MTCL1: variants seen among roughly 807,000 people sequenced by gnomAD.
The protein encoded by MTCL1 is microtubule crosslinking factor 1, also known as microtubule cross-linking factor 1.
MTCL1 carries 79 observed loss-of-function variants against 141.4 expected under a neutral mutation model. That is an observed-to-expected ratio of 0.56 (90% confidence interval 0.47 to 0.67). MTCL1 has a LOEUF of 0.67. MTCL1 is among the 30% of genes least tolerant of loss of function. MTCL1 has a pLI of 0.00. For missense variants in MTCL1, 2,177 were observed against 2,113.9 expected (o/e 1.03, Z -0.59); for synonymous variants, 914 against 875.8 (o/e 1.04, Z -0.77).
chr18:8,794,031 A>C (rs555990072), intron 8 of MTCL1, among the ~76,000 whole-genome samples: 1 of 152,356 alleles, frequency 6.6e-6, no homozygotes, highest in Non-Finnish European at 1.5e-5. Context: ...CCGAATGCCA[A>C]GATGTAAATA....
In MTCL1 at chr18:8,775,299, G is replaced by A. The variant is rs144520302; in HGVS notation, c.358-2534G>A. On this transcript the variant is annotated intron_variant, in intron 4 of 16. Coordinates refer to ENST00000359865, the Ensembl canonical transcript of MTCL1. The stretch of plus-strand genomic sequence containing the variant: ...ATAAAAGAAACTTCTGGCCGGGCAC[G>A]GTGGCTCAATCCTGTAATCCCAGCA... Among the ~76,000 whole-genome samples, 43 of 152,022 alleles carry A rather than the reference G, an allele frequency of 2.8e-4. 1 individual carries two copies. The East Asian group carries it at 7.4e-3, about 26-fold the overall frequency.
chr18:8,829,032 C>T (rs2077114588), intron 16 of MTCL1: 1 of 1,612,496 alleles, frequency 6.2e-7, no homozygotes, highest in Non-Finnish European at 8.5e-7. Flanking sequence ...CAGTTGGCAC[C>T]TGACGCTCAT....
rs1034500254 is a variant in MTCL1 at position 8,777,912 on chromosome 18, C to G, written c.417+20C>G. 1 of 1,607,430 alleles carries G rather than the reference C, an allele frequency of 6.2e-7. No homozygotes were observed. Among genetic ancestry groups the G allele is most frequent in the African/African-American group, 1.3e-5 (1 of 74,888 alleles). ...AACCAGGTAAGCAGAGGTTTTCATT[C>G]TAATGTTACATCTCCTATAAGTGAA... On this transcript the variant is annotated intron_variant, in intron 5 of 16. Coordinates refer to ENST00000359865, the Ensembl canonical transcript of MTCL1.
Position 8,806,972 on chromosome 18 carries a change from G to A in MTCL1, c.2516G>A (p.Arg839His), listed in dbSNP as rs777907534. 39 of 1,613,700 alleles carry A rather than the reference G, an allele frequency of 2.4e-5. No homozygotes were observed. Among genetic ancestry groups the A allele is most frequent in the Admixed American group, 1.3e-4 (8 of 60,008 alleles). The change falls in exon 11 of 17, where the codon CGT becomes CAT. Residue 839 changes from arginine (R) to histidine (H), a missense_variant. Transcript: ENST00000359865. ...CGTGCGGAGCTGCGGGAGGATGAGC[G>A]TGCCCGACTACGGCTGCAGCAGCAA...
In MTCL1 at chr18:8,830,728, CA is replaced by C; in HGVS notation, c.*19-877del. 1 of 985,476 alleles carries C rather than the reference CA, an allele frequency of 1.0e-6. No homozygotes were observed. Among genetic ancestry groups the C allele is most frequent in the South Asian group, 4.7e-5 (1 of 21,290 alleles). 61.0% of individuals were successfully genotyped at this position (985,476 alleles called of 1,614,324 possible). ...TCCAGCCAGCGGGCTCCATGCTGGGCAACTCAGTTTTCTCATGCCACAGCTT... is the reference window on the plus strand; with the variant it reads ...TCCAGCCAGCGGGCTCCATGCTGGGCACTCAGTTTTCTCATGCCACAGCTT... On this transcript the variant is annotated intron_variant, in intron 16 of 16. Transcript: ENST00000359865. This position sits in a 1 kb window ranked among gnomAD's most constrained non-coding sequence, Gnocchi z 6.4.
Position 8,793,091 on chromosome 18 carries a change from A to T in MTCL1, c.1981A>T (p.Thr661Ser), listed in dbSNP as rs546611939. ...GGCGGCCAGACTGCATCAAGAGGAG[A>T]CAGAGACATTTACAAACAAGATCCA... is the stretch of plus-strand genomic sequence containing the variant. The change falls in exon 8 of 17, where the codon ACA becomes TCA. Residue 661 changes from threonine to serine, a missense_variant. Transcript: ENST00000359865. 3.4e-5 allele frequency: 55 copies of T among 1,614,096 alleles called. 1 individual carries two copies. The South Asian group carries it at 6.0e-4, about 18-fold the overall frequency.
At chr18:8,776,208 TTTC>T in intron 4 of MTCL1, among the ~76,000 whole-genome samples, 1 of 152,206 alleles carries the variant, frequency 6.6e-6, no homozygotes, top group African/African-American at 2.4e-5. Context: ...GGACAGTCTC[TTTC>T]CTTTCGCAGG....
chr18:8,804,060 A>T (rs1461910713), intron 10 of MTCL1, among the ~76,000 whole-genome samples: 2 of 152,192 alleles, frequency 1.3e-5, no homozygotes, highest in East Asian at 3.8e-4. Context: ...AAATTATTAT[A>T]ATTATTTTCT....
chr18:8,735,582 A>C (rs2096271013), intron 4 of MTCL1, among the ~76,000 whole-genome samples: 1 of 151,910 alleles, frequency 6.6e-6, no homozygotes, highest in Non-Finnish European at 1.5e-5. Flanking sequence ...GGTTCAGGGG[A>C]GTTTGCCAGC....
chr18:8,824,263 A>G (rs907666271), intron 14 of MTCL1, among the ~76,000 whole-genome samples: 1 of 152,218 alleles, frequency 6.6e-6, no homozygotes, highest in African/African-American at 2.4e-5. Flanking sequence ...TAACACATGG[A>G]AGAATCCACA....
At chr18:8,829,450 C>T in intron 16 of MTCL1, 1 of 966,274 alleles carries the variant, frequency 1.0e-6, no homozygotes, top group Non-Finnish European at 1.2e-6. Flanking sequence ...GGAATGAACC[C>T]AAATATATCT....
rs553519133 is a variant in MTCL1 at position 8,777,497 on chromosome 18, T to A, written c.358-336T>A. 5.4e-4 allele frequency among the ~76,000 whole-genome samples: 83 copies of A among 152,318 alleles called. 1 individual carries two copies. Among genetic ancestry groups the A allele is most frequent in the African/African-American group, 1.9e-3 (80 of 41,570 alleles). On this transcript the variant is annotated intron_variant, in intron 4 of 16. Transcript: ENST00000359865. ...ATCTGTTTCCCAAACTTCCTGCCTT[T>A]CTCCTCTTCTTCTTGCCTTCTCTGC...
chr18:8,784,645 G>T, exon 6 of MTCL1: 1 of 1,613,968 alleles, frequency 6.2e-7, no homozygotes, highest in Non-Finnish European at 8.5e-7. Context: ...AGCCCCAGCT[G>T]CTGGGGACCA....
chr18:8,803,517 G>A (rs4606793), intron 10 of MTCL1, among the ~76,000 whole-genome samples: 6 of 151,968 alleles, frequency 3.9e-5, no homozygotes, highest in Non-Finnish European at 8.8e-5. Flanking sequence ...GCCTATCTAC[G>A]GCCCATTCTG....
Position 8,705,920 on chromosome 18 carries a change from C to T in MTCL1, c.260C>T (p.Ser87Leu). Residue 87 changes from serine to leucine, a missense_variant, in exon 1 of 14, where the codon TCG (serine) becomes TTG (leucine). Transcript: ENST00000306329. This position sits in a 1 kb window ranked among gnomAD's most constrained non-coding sequence, Gnocchi z 5.2. ...AACCTCGCGGGCAAAGCGCCGCCCT[C>T]GCCGGGGTCCCTGGCCGCGCCCGGC... 9.2e-7 allele frequency: 1 copy of T among 1,086,682 alleles called. No individual in the cohort carries two copies. Among genetic ancestry groups the T allele is most frequent in the Non-Finnish European group, 1.1e-6 (1 of 896,966 alleles). 67.3% of individuals were successfully genotyped at this position (1,086,682 alleles called of 1,614,324 possible). A position where few individuals can be genotyped will look rare whatever the true frequency, so the allele number is the denominator to read the frequency against.
In MTCL1 at chr18:8,779,114, G is replaced by A. The variant is rs1598616392; in HGVS notation, c.417+1222G>A. On this transcript the variant is annotated intron_variant, in intron 5 of 16. Transcript: ENST00000359865. The surrounding 1 kb of genome is among the most constrained non-coding windows in gnomAD (Gnocchi z 4.1). ...GAAGCTGGCGCCCCGGCGCAAGGTA[G>A]GCACGTGGGCAGTCACCCGCTCAGG... Among the ~76,000 whole-genome samples, 2 of 152,378 alleles carry A rather than the reference G, an allele frequency of 1.3e-5. No homozygotes were observed.
At chr18:8,816,271 CATATA>C (rs2144301863) in intron 12 of MTCL1, among the ~76,000 whole-genome samples, 2 of 152,298 alleles carry the variant, frequency 1.3e-5, no homozygotes, top group South Asian at 4.1e-4. Context: ...CTTGGTAAGC[CATATA>C]ATATAACCTT....
At chr18:8,786,512 T>C in intron 7 of MTCL1, 1 of 370,778 alleles carries the variant, frequency 2.7e-6, no homozygotes, top group Non-Finnish European at 5.4e-6. Context: ...GTGTCTCATG[T>C]GACCATCCCA....
At chr18:8,748,321 C>T (rs2096351821) in intron 4 of MTCL1, among the ~76,000 whole-genome samples, 1 of 152,204 alleles carries the variant, frequency 6.6e-6, no homozygotes, top group Middle Eastern at 3.4e-3. Flanking sequence ...GCAGGAGGAT[C>T]GCTTGAGCCC....
Sources: allele counts gnomAD v4.1 joint callset (sites outside exome capture counted in the v4.1 genomes callset), GRCh38; gene constraint gnomAD v4.1.1; non-coding constraint Gnocchi (gnomAD v3.1); transcripts MANE v1.5; gene names NCBI Gene and HGNC (gene_info 2026-07-23, HGNC 2026-07-21).